Variants in SLC39A10 observed in about 807,000 individuals in gnomAD.
SLC39A10 encodes solute carrier family 39 member 10.
A neutral mutation model predicts 65.1 loss-of-function variants in SLC39A10; 13 were observed. That is an observed-to-expected ratio of 0.20 (90% CI 0.13 to 0.32). The LOEUF (loss-of-function observed/expected upper bound fraction) is 0.32. Ranked by LOEUF, SLC39A10 falls within the 10% of genes least tolerant of loss-of-function variation. The probability of loss-of-function intolerance (pLI) is 1.00; values close to 1 mark genes in which losing one functional copy is unlikely to be tolerated. For synonymous variants in SLC39A10, 321 were observed against 342.2 expected, an observed-to-expected ratio of 0.94 and a Z score of 0.68; for missense variants, 831 against 1,018.4, an observed-to-expected ratio of 0.82 and a Z score of 2.50.
At chr2:195,656,763 G>A (rs1052969809), upstream of SLC39A10, 2 of 152,228 alleles carry the variant, frequency 1.3e-5, no homozygotes, top group Non-Finnish European at 2.9e-5. Flanking sequence ...TCACTCTGAA[G>A]CTTTTTGGCT....
chr2:195,627,446 C>T (rs919179844), intron 2 of SLC39A10, among the ~76,000 whole-genome samples: 1 of 152,038 alleles, frequency 6.6e-6, no homozygotes, highest in African/African-American at 2.4e-5. Flanking sequence ...GTGATTCGAG[C>T]CACACCAGCT....
At chr2:195,646,230 G>A (rs1270486317) in intron 2 of SLC39A10, among the ~76,000 whole-genome samples, 1 of 152,184 alleles carries the variant, frequency 6.6e-6, no homozygotes, top group Non-Finnish European at 1.5e-5. Flanking sequence ...ACAGATGTGA[G>A]CCAGCACACT....
Position 195,736,385 on chromosome 2 carries a change from C to A in SLC39A10, c.*1344C>A, listed in dbSNP as rs932151661. The A allele has an allele frequency of 6.0e-6, 1 of 166,670 alleles. No homozygotes were observed. Among genetic ancestry groups the A allele is most frequent in the African/African-American group, 2.4e-5 (1 of 41,450 alleles). 10.3% of individuals were successfully genotyped at this position (166,670 alleles called of 1,614,324 possible). ...CTGTTTACATCCTATGCCACATGGT[C>A]TTCATTTATGCCAGGTAAACTGTAT... is the stretch of plus-strand genomic sequence containing the variant. On this transcript the variant is annotated 3_prime_UTR_variant, in exon 10 of 10. Coordinates refer to ENST00000359634, the MANE Select transcript of SLC39A10 (RefSeq NM_020342.3).
intron 1 of SLC39A10, chr2:195,670,487 C>A (rs752774012): frequency 4.6e-5 from 7 of 152,136 alleles, no homozygotes; most frequent in Non-Finnish European, 1.0e-4. Context: ...ACCCTAATTC[C>A]TTTCATTTAA....
In SLC39A10 at chr2:195,735,029, C is replaced by T. The variant is rs1159812974; in HGVS notation, c.2484C>T (p.Asp828=). The change falls in exon 10 of 10, where the codon GAC becomes GAT. Residue 828 remains aspartate (D), a synonymous_variant. Transcript: ENST00000359634. The part of the protein sequence containing the change: ...IALYEDKIVF[D]IQF ...TCTATGAAGATAAAATTGTGTTTGA[C>T]ATCCAGTTTTGACCTTTCCCAGTAA... 6.2e-7 allele frequency: 1 copy of T among 1,609,008 alleles called. No individual in the cohort carries two copies. Among genetic ancestry groups the T allele is most frequent in the South Asian group, 1.1e-5 (1 of 89,618 alleles).
At chr2:195,672,986 C>T (rs60242691) in intron 1 of SLC39A10, among the ~76,000 whole-genome samples, 9,173 of 152,070 alleles carry the variant, frequency 0.06, 389 homozygotes, top group African/African-American at 0.12. Flanking sequence ...CATTAGTGTA[C>T]GAGTAAAATT....
chr2:195,713,380 T>A, intron 5 of SLC39A10, 53 bp from the exon 6 acceptor site: 1 of 1,399,958 alleles, frequency 7.1e-7, no homozygotes, highest in Non-Finnish European at 9.5e-7. Context: ...TGTTGCTAAT[T>A]GTGTCCTCAC....
chr2:195,714,247 A>G (rs1221232499), intron 6 of SLC39A10, among the ~76,000 whole-genome samples: 2 of 152,046 alleles, frequency 1.3e-5, no homozygotes, highest in Non-Finnish European at 2.9e-5. Flanking sequence ...TACTTTTATG[A>G]TAGTTTGTCT....
At chr2:195,629,392 CAAAAAAAAA>C (rs60548307) in intron 2 of SLC39A10, among the ~76,000 whole-genome samples, 5 of 79,764 alleles carry the variant, frequency 6.3e-5, no homozygotes, top group African/African-American at 8.7e-5. Context: ...AGATTCCTTT[CAAAAAAAAA>C]AAAAAAAAAG....
intron 1 of SLC39A10, among the ~76,000 whole-genome samples, chr2:195,661,834 T>C (rs535626671): frequency 6.6e-6 from 1 of 152,322 alleles, no homozygotes; most frequent in Non-Finnish European, 1.5e-5. Context: ...GCTCAGGTAG[T>C]GTTTATTTTC....
In SLC39A10 at chr2:195,716,790, A is replaced by G; in HGVS notation, c.1850A>G (p.His617Arg). ...CACAGTGATGGATTACATACCATTC[A>G]TGAGCATGATCTCCATGCTGCTGCA... ...HSHSDGLHTIHEHDLHAAAHN... is the reference protein window; with the variant it reads ...HSHSDGLHTIREHDLHAAAHN... The change falls in exon 7 of 10, where the codon CAT (histidine) becomes CGT (arginine). Residue 617 changes from histidine to arginine, a missense_variant. His to Arg is a conservative substitution (Grantham distance 29, BLOSUM62 0). This residue lies in a region of SLC39A10 where 230 missense variants were observed against 242.9 expected (regional missense o/e 0.95). Transcript: ENST00000359634. The G allele has an allele frequency of 6.2e-7, 1 of 1,614,224 alleles. No individual in the cohort carries two copies. Among genetic ancestry groups the G allele is most frequent in the Non-Finnish European group, 8.5e-7 (1 of 1,180,034 alleles).
intron 1 of SLC39A10, among the ~76,000 whole-genome samples, chr2:195,667,691 A>G (rs1478772788): frequency 1.3e-5 from 2 of 152,212 alleles, no homozygotes; most frequent in African/African-American, 4.8e-5. Context: ...TATTTGGTGG[A>G]TAAGTGTAGG....
intron 3 of SLC39A10, among the ~76,000 whole-genome samples, chr2:195,700,471 T>A (rs1169294324): frequency 6.6e-6 from 1 of 152,214 alleles, no homozygotes; most frequent in Non-Finnish European, 1.5e-5. Flanking sequence ...TTATATCATT[T>A]TAACTTCAAT....
Position 195,717,020 on chromosome 2 carries a change from AACC to A in SLC39A10, c.2065+18_2065+20del. On this transcript the variant is annotated intron_variant, in intron 7 of 9. Coordinates refer to ENST00000359634, the MANE Select transcript of SLC39A10 (RefSeq NM_020342.3). ...GCTCGCAATTGGTAAGTGGACTGGA[AACC>A]ACTGTCTATGCTAATCTTATGGACT... The A allele has an allele frequency of 6.2e-7, 1 of 1,609,402 alleles. No individual in the cohort carries two copies. The highest frequency in any genetic ancestry group is 1.1e-5 in the South Asian group (1 of 90,102).
At chr2:195,636,836 G>C (rs1336696550) in intron 2 of SLC39A10, among the ~76,000 whole-genome samples, 1 of 152,062 alleles carries the variant, frequency 6.6e-6, no homozygotes, top group African/African-American at 2.4e-5. Context: ...AGGAGTTCAA[G>C]ACCAGCCTAG....
chr2:195,717,260 A>G (rs1261846327), intron 7 of SLC39A10: 2 of 373,278 alleles, frequency 5.4e-6, no homozygotes, highest in Admixed American at 4.3e-5. Context: ...TAGAGTTACC[A>G]TATTGAAAAA....
chr2:195,713,666 C>T, intron 6 of SLC39A10, 113 bp downstream of exon 6: 1 of 1,203,224 alleles, frequency 8.3e-7, no homozygotes, highest in African/African-American at 1.6e-5. Flanking sequence ...ATACAGTAAA[C>T]TAAATACAAG....
At chr2:195,665,480 A>G (rs1689599727) in intron 1 of SLC39A10, among the ~76,000 whole-genome samples, 1 of 152,190 alleles carries the variant, frequency 6.6e-6, no homozygotes, top group Non-Finnish European at 1.5e-5. Context: ...AAAAATAAAT[A>G]CTTGAAAAAC....
intron 2 of SLC39A10, among the ~76,000 whole-genome samples, chr2:195,651,510 T>C (rs1306858360): frequency 6.6e-6 from 1 of 152,138 alleles, no homozygotes; most frequent in Non-Finnish European, 1.5e-5. Context: ...AGTCTTGCCA[T>C]GTCACCCAGG....
Sources: allele counts gnomAD v4.1 joint callset (sites outside exome capture counted in the v4.1 genomes callset), GRCh38; gene constraint gnomAD v4.1.1; regional missense constraint gnomAD v4.1.1; transcripts MANE v1.5; gene names NCBI Gene and HGNC (gene_info 2026-07-23, HGNC 2026-07-21).